AVL9: variants seen among roughly 807,000 people sequenced by gnomAD.
The protein encoded by AVL9 is late secretory pathway protein AVL9 homolog.
A neutral mutation model predicts 79.2 loss-of-function variants in AVL9; 49 were observed. The observed-to-expected ratio is 0.62, with a 90% CI of 0.49 to 0.79. The LOEUF is 0.79. Ranked by LOEUF, AVL9 falls within the 30% of genes least tolerant of loss-of-function variation. The pLI is 0.00. For missense variants in AVL9, 682 were observed against 776.8 expected, an observed-to-expected ratio of 0.88 and a Z score of 1.45; for synonymous variants, 299 against 280.6, an observed-to-expected ratio of 1.07 and a Z score of -0.65.
intron 3 of AVL9, among the ~76,000 whole-genome samples, chr7:32,548,384 G>A (rs1789634084): frequency 6.6e-6 from 1 of 151,988 alleles, no homozygotes; most frequent in Non-Finnish European, 1.5e-5. Context: ...CTGGCCTCAG[G>A]TGACCCACCC....
At chr7:32,498,885 C>T (rs1054759580) in intron 1 of AVL9, among the ~76,000 whole-genome samples, 2 of 149,156 alleles carry the variant, frequency 1.3e-5, no homozygotes, top group African/African-American at 5.0e-5. Flanking sequence ...TAAGTGTGGC[C>T]GGGTGCAGTA....
chr7:32,582,136 T>G lies in AVL9; in HGVS notation c.1831+1246T>G, dbSNP rs115829061. Among the ~76,000 whole-genome samples the G allele has an allele frequency of 8.9e-3, 1,355 of 152,360 alleles. 20 individuals carry two copies. The highest frequency in any genetic ancestry group is 0.031 in the African/African-American group (1,290 of 41,580). ...TTTAACTTTTTATTTTGATGTAGTT[T>G]CAAACCTGAACATTGCAACAGTGCA... On this transcript the variant is annotated intron_variant, in intron 15 of 15. Transcript: ENST00000318709.
In AVL9 at chr7:32,584,031, A is replaced by C. The variant is rs1791649284; in HGVS notation, c.*124A>C. 1.3e-6 allele frequency: 1 copy of C among 744,396 alleles called. No individual in the cohort carries two copies. Among genetic ancestry groups the C allele is most frequent in the Admixed American group, 2.0e-5 (1 of 50,048 alleles). The allele number at this position is 744,396 out of a possible 1,614,324, so 46.1% of individuals were successfully genotyped here. A position where few individuals can be genotyped will look rare whatever the true frequency, so the allele number is the denominator to read the frequency against. On this transcript the variant is annotated 3_prime_UTR_variant, in exon 16 of 16. Coordinates refer to ENST00000318709, the MANE Select transcript of AVL9 (RefSeq NM_015060.3). ...ACCATATGTCGAACTGTTTACATGG[A>C]TGTTGCTCTAAGTGAATGTTTCGGG...
chr7:32,561,639 AAAAAC>A (rs890277939), intron 10 of AVL9, among the ~76,000 whole-genome samples: 53 of 150,752 alleles, frequency 3.5e-4, no homozygotes, highest in African/African-American at 1.1e-3. Context: ...CACTGGTTTA[AAAAAC>A]AAAACAAAAC....
chr7:32,563,258 C>T (rs1790407676), intron 10 of AVL9, among the ~76,000 whole-genome samples: 1 of 152,018 alleles, frequency 6.6e-6, no homozygotes, highest in Admixed American at 6.6e-5. Flanking sequence ...TCTCAAACTC[C>T]TGATCTCAGG....
chr7:32,580,620 C>T (rs779370380), intron 14 of AVL9, 182 bp from the exon 15 acceptor site: 5 of 584,892 alleles, frequency 8.5e-6, no homozygotes, highest in Middle Eastern at 4.5e-4. Flanking sequence ...TGAAAATGCA[C>T]ATGCTTAAAA....
Position 32,588,292 on chromosome 7 carries a change from TA to T in AVL9, c.*4389del, listed in dbSNP as rs1159268631. The T allele has an allele frequency of 2.0e-5, 3 of 152,206 alleles. No individual in the cohort carries two copies. The highest frequency in any genetic ancestry group is 7.2e-5 in the African/African-American group (3 of 41,446). 9.4% of individuals were successfully genotyped at this position (152,206 alleles called of 1,614,324 possible). ...CTTAGAAAATATTTTGTTGTTTTCT[TA>T]AAATATTAGTATTTTGTAGCTGGAA... On this transcript the variant is annotated 3_prime_UTR_variant, in exon 16 of 16. Coordinates refer to ENST00000318709, the MANE Select transcript of AVL9 (RefSeq NM_015060.3).
intron 12 of AVL9, among the ~76,000 whole-genome samples, chr7:32,573,704 G>A (rs533162065): frequency 2.0e-5 from 3 of 152,192 alleles, no homozygotes; most frequent in Admixed American, 1.3e-4. Flanking sequence ...CTTTATAATA[G>A]AAACAACACA....
chr7:32,564,403 T>C (rs116947245), intron 10 of AVL9, among the ~76,000 whole-genome samples: 175 of 152,350 alleles, frequency 1.1e-3, no homozygotes, highest in Admixed American at 2.5e-3. Context: ...TAGGCTTTTT[T>C]CTCTTGAAGA....
intron 1 of AVL9, among the ~76,000 whole-genome samples, chr7:32,496,249 A>G (rs763061187): frequency 6.6e-6 from 1 of 152,212 alleles, no homozygotes; most frequent in East Asian, 1.9e-4. Context: ...TGCTTCAGGT[A>G]GCTTGCAGCA....
chr7:32,575,118 GAC>G (rs1353229758), intron 12 of AVL9, among the ~76,000 whole-genome samples: 4 of 121,952 alleles, frequency 3.3e-5, no homozygotes, highest in Non-Finnish European at 7.1e-5. Flanking sequence ...TGTTTTTTGA[GAC>G]AGAGTCTCGC....
intron 1 of AVL9, among the ~76,000 whole-genome samples, chr7:32,516,992 CTGCTT>C (rs1787930812): frequency 6.6e-6 from 1 of 152,156 alleles, no homozygotes; most frequent in South Asian, 2.1e-4. Flanking sequence ...TCTTTTCTGC[CTGCTT>C]TAAGTCTGCT....
intron 4 of AVL9, among the ~76,000 whole-genome samples, chr7:32,549,782 C>T (rs988915867): frequency 5.9e-4 from 88 of 149,126 alleles, no homozygotes; most frequent in African/African-American, 2.0e-3. Context: ...TAGCCAGGCA[C>T]GGTGGTGCAC....
chr7:32,506,800 A>G (rs1381594115), intron 1 of AVL9, among the ~76,000 whole-genome samples: 1 of 152,110 alleles, frequency 6.6e-6, no homozygotes, highest in East Asian at 1.9e-4. Flanking sequence ...TGTAATGAAG[A>G]AAATACCAAT....
In AVL9 at chr7:32,554,560, C is replaced by A; in HGVS notation, c.573C>A (p.Val191=). 6.5e-7 allele frequency: 1 copy of A among 1,527,940 alleles called. No homozygotes were observed. Among genetic ancestry groups the A allele is most frequent in the Non-Finnish European group, 8.9e-7 (1 of 1,126,436 alleles). The allele number at this position is 1,527,940 out of a possible 1,614,324, so 94.6% of individuals were successfully genotyped here. Residue 191 remains valine (V), a splice_region_variant and synonymous_variant, in exon 8 of 16, where the codon GTC becomes GTA. Coordinates refer to ENST00000318709, the MANE Select transcript of AVL9 (RefSeq NM_015060.3). The stretch of plus-strand genomic sequence containing the variant: ...AACATTTTTTTTTCCTTTTGCAGGT[C>A]TTAATCCTATTTAAGCTAATTCTTC... ...RDLVLHFRHK[V]LILFKLILLE...
chr7:32,569,740 G>T (rs1562795074), intron 10 of AVL9, among the ~76,000 whole-genome samples: 1 of 152,162 alleles, frequency 6.6e-6, no homozygotes, highest in East Asian at 1.9e-4. Context: ...CTTTTAAATT[G>T]AATGAGAACA....
intron 10 of AVL9, among the ~76,000 whole-genome samples, chr7:32,569,623 A>G (rs1790737842): frequency 6.6e-6 from 1 of 152,212 alleles, no homozygotes; most frequent in South Asian, 2.1e-4. Context: ...GTGCAGATGC[A>G]TGTATTTTAA....
At position 32,525,035 on chromosome 7, in the gene AVL9, C is replaced by T. The variant is rs370653525; in HGVS notation, c.94-18106C>T. ...CCTAGGACTGTTTCTAACTGTATGA[C>T]GGGCTGCTAGATTCCACAGTGCCTG... On this transcript the variant is annotated intron_variant, in intron 1 of 15. Coordinates refer to ENST00000318709, the MANE Select transcript of AVL9 (RefSeq NM_015060.3). 5.3e-5 allele frequency among the ~76,000 whole-genome samples: 8 copies of T among 152,276 alleles called. No individual in the cohort carries two copies. In the East Asian group the frequency reaches 9.6e-4, roughly 18 times the overall value.
At chr7:32,538,492 A>G (rs1789021668) in intron 1 of AVL9, 1 of 152,154 alleles carries the variant, frequency 6.6e-6, no homozygotes. Context: ...GTTGGTAAAT[A>G]AAGATGAAGT....
Sources: allele counts gnomAD v4.1 joint callset (sites outside exome capture counted in the v4.1 genomes callset), GRCh38; gene constraint gnomAD v4.1.1; transcripts MANE v1.5; gene names NCBI Gene and HGNC (gene_info 2026-07-23, HGNC 2026-07-21).